DAPK2: variants seen among roughly 807,000 people sequenced by gnomAD.
The protein encoded by DAPK2 is death-associated protein kinase 2.
Under a neutral mutation model 44.1 loss-of-function variants are expected in DAPK2, and 35 were observed. That is an observed-to-expected ratio of 0.79 (90% CI 0.61 to 1.05). The LOEUF is 1.05. Ranked by LOEUF, DAPK2 falls within the 50% of genes least tolerant of loss-of-function variation. DAPK2 has a pLI of 0.00. For missense variants in DAPK2, 453 were observed against 483.2 expected (o/e 0.94, Z 0.59); for synonymous variants, 174 against 182.6 (o/e 0.95, Z 0.38).
Position 63,908,858 on chromosome 15 carries a change from A to G in DAPK2, c.1033-258T>C, listed in dbSNP as rs896493834. ...ACCAGACATCAGGAGAGGCCAAATT[A>G]TAATAAAGAAAATTACATCTAGTTC... On this transcript the variant is annotated intron_variant, in intron 10 of 10. Transcript: ENST00000261891. The surrounding 1 kb of genome is among the most constrained non-coding windows in gnomAD (Gnocchi z 5.7). 1.0e-5 allele frequency: 3 copies of G among 297,560 alleles called. No individual in the cohort carries two copies. The South Asian group carries it at 2.6e-4, about 26-fold the overall frequency. The allele number at this position is 297,560 out of a possible 1,614,324, so 18.4% of individuals were successfully genotyped here.
intron 6 of DAPK2, among the ~76,000 whole-genome samples, chr15:63,928,100 T>G (rs2140352253): frequency 6.6e-6 from 1 of 152,354 alleles, no homozygotes; most frequent in Non-Finnish European, 1.5e-5. Flanking sequence ...CCGTTCTGGC[T>G]CTGATCTGAA....
intron 1 of DAPK2, among the ~76,000 whole-genome samples, chr15:64,024,917 A>G (rs997044356): frequency 6.6e-6 from 1 of 152,186 alleles, no homozygotes; most frequent in Non-Finnish European, 1.5e-5. Context: ...ATTCAAGATC[A>G]GGGTCCTAAG....
chr15:63,960,945 G>T (rs1350860498), intron 3 of DAPK2, among the ~76,000 whole-genome samples: 1 of 152,072 alleles, frequency 6.6e-6, no homozygotes, highest in Non-Finnish European at 1.5e-5. Context: ...TTGACAGCGG[G>T]GTGTTAAATT....
chr15:63,953,794 T>A (rs1315181556), intron 3 of DAPK2, among the ~76,000 whole-genome samples: 1 of 152,230 alleles, frequency 6.6e-6, no homozygotes, highest in Non-Finnish European at 1.5e-5. Flanking sequence ...ACTGACTGTC[T>A]TTTGGATAAA....
chr15:64,031,749 G>C (rs973538932), intron 1 of DAPK2, among the ~76,000 whole-genome samples: 4 of 152,176 alleles, frequency 2.6e-5, no homozygotes, highest in Admixed American at 1.3e-4. Flanking sequence ...TCCTTGATAA[G>C]GTAGGTTTGT....
chr15:64,038,510 C>T (rs1027533068), intron 1 of DAPK2, among the ~76,000 whole-genome samples: 1 of 152,170 alleles, frequency 6.6e-6, no homozygotes, highest in Non-Finnish European at 1.5e-5. Flanking sequence ...TACCCCTTCA[C>T]CAGGCCCAAG....
At chr15:64,025,222 A>G (rs1162520866) in intron 1 of DAPK2, among the ~76,000 whole-genome samples, 2 of 152,208 alleles carry the variant, frequency 1.3e-5, no homozygotes, top group African/African-American at 2.4e-5. Flanking sequence ...AGTTAGTTCA[A>G]TCTCTAAGAT....
intron 3 of DAPK2, among the ~76,000 whole-genome samples, chr15:63,945,092 T>C (rs1006771490): frequency 3.3e-5 from 5 of 152,204 alleles, no homozygotes; most frequent in African/African-American, 4.8e-5. Context: ...TTTAAACTCC[T>C]GAGCTCAAGT....
At chr15:63,940,487 G>A (rs575421650) in intron 3 of DAPK2, among the ~76,000 whole-genome samples, 3 of 152,292 alleles carry the variant, frequency 2.0e-5, no homozygotes, top group Non-Finnish European at 2.9e-5. Flanking sequence ...GAGGTGGGTG[G>A]ATTACTTGAG....
intron 1 of DAPK2, among the ~76,000 whole-genome samples, chr15:64,001,207 C>T (rs558664614): frequency 6.0e-4 from 71 of 117,438 alleles, no homozygotes; most frequent in African/African-American, 1.8e-3. Context: ...ACCTCCACTA[C>T]CTGCCAAAAA....
chr15:64,024,839 A>C (rs908541609), intron 1 of DAPK2, among the ~76,000 whole-genome samples: 14 of 152,334 alleles, frequency 9.2e-5, no homozygotes, highest in Middle Eastern at 3.4e-3. Flanking sequence ...ACCTCACCCC[A>C]ATGAGGGAAG....
intron 3 of DAPK2, among the ~76,000 whole-genome samples, chr15:63,953,670 T>TCC (rs2077648801): frequency 6.6e-6 from 1 of 152,240 alleles, no homozygotes; most frequent in African/African-American, 2.4e-5. Flanking sequence ...ATGTTAGTTC[T>TCC]ATTTTTAGTT....
upstream of DAPK2, among the ~76,000 whole-genome samples, chr15:64,040,633 CA>C (rs2141213599): frequency 1.3e-5 from 2 of 152,120 alleles, no homozygotes; most frequent in Non-Finnish European, 2.9e-5. Context: ...AAAAAATGGC[CA>C]GGCATGGTGC....
chr15:63,931,418 GGAA>G (rs144338805), intron 4 of DAPK2, among the ~76,000 whole-genome samples: 2,458 of 152,328 alleles, frequency 0.016, 62 homozygotes, highest in African/African-American at 0.052. Context: ...GGAAGGTACA[GGAA>G]GGAGAAATGG....
chr15:63,934,249 GTTTTTTTTTT>G (rs772176640), intron 4 of DAPK2, among the ~76,000 whole-genome samples: 1 of 63,286 alleles, frequency 1.6e-5, no homozygotes, highest in Non-Finnish European at 3.0e-5. Context: ...TTTTATCCTA[GTTTTTTTTTT>G]TTTTTTTTTT....
chr15:64,030,979 T>C (rs28447089), intron 1 of DAPK2, among the ~76,000 whole-genome samples: 156 of 140,246 alleles, frequency 1.1e-3, no homozygotes, highest in African/African-American at 2.3e-3. Context: ...AATACACACA[T>C]ACACACACAC....
At chr15:64,025,582 TTTGCTGTAAACC>T (rs2079816212) in intron 1 of DAPK2, among the ~76,000 whole-genome samples, 1 of 152,202 alleles carries the variant, frequency 6.6e-6, no homozygotes, top group South Asian at 2.1e-4. Flanking sequence ...CTTTTACAGT[TTTGCTGTAAACC>T]CTACTGGAGT....
chr15:63,927,835 G>A (rs972500751), intron 6 of DAPK2, among the ~76,000 whole-genome samples: 3 of 151,700 alleles, frequency 2.0e-5, no homozygotes, highest in Admixed American at 1.3e-4. Flanking sequence ...CTGGGCTCAA[G>A]CGATCCTCCA....
chr15:64,020,198 G>C lies in DAPK2; in HGVS notation c.92+19972C>G, dbSNP rs332282. Among the ~76,000 whole-genome samples, 98,213 of 152,080 alleles carry C rather than the reference G, an allele frequency of 0.65. 32,037 individuals carry two copies. Among genetic ancestry groups the C allele is most frequent in the East Asian group, 0.79 (4,079 of 5,180 alleles). ...GAAGGCACTTATATGCTAGAGATGG[G>C]GGAAAGGAAACTGAGGACTTGCCTA... On this transcript the variant is annotated intron_variant, in intron 1 of 10. Transcript: ENST00000261891. This position sits in a 1 kb window ranked among gnomAD's most constrained non-coding sequence, Gnocchi z 4.5.
Sources: gnomAD v4.1 joint callset for allele counts (sites outside exome capture counted in the v4.1 genomes callset) on GRCh38, gnomAD v4.1.1 for gene constraint, Gnocchi (gnomAD v3.1) non-coding constraint, MANE v1.5 for transcripts, NCBI Gene and HGNC (gene_info 2026-07-23, HGNC 2026-07-21) for gene names.